The following AOPEP variants were observed in gnomAD, a reference collection of about 807,000 sequenced individuals.
The protein encoded by AOPEP is aminopeptidase O (putative).
A neutral mutation model predicts 98.1 loss-of-function variants in AOPEP; 77 were observed. That is an observed-to-expected ratio of 0.78 (90% confidence interval 0.65 to 0.95). The LOEUF (loss-of-function observed/expected upper bound fraction) is 0.95. AOPEP is among the 40% of genes least tolerant of loss of function. AOPEP has a pLI of 0.00. For missense variants in AOPEP, 1,024 were observed against 1,024.7 expected, an observed-to-expected ratio of 1.00 and a Z score of 0.01; for synonymous variants, 346 against 365.3, an observed-to-expected ratio of 0.95 and a Z score of 0.60.
At chr9:94,996,391 T>TGTGAGA (rs375605056) in intron 11 of AOPEP, among the ~76,000 whole-genome samples, 15 of 144,656 alleles carry the variant, frequency 1.0e-4, no homozygotes, top group South Asian at 9.3e-4. Flanking sequence ...TGTGTGTGTG[T>TGTGAGA]GAGAGAGAGA....
At chr9:95,144,796 C>T in the AOPEP span, among the ~76,000 whole-genome samples, 7 of 152,136 alleles carry the variant, frequency 4.6e-5, 1 homozygote, top group East Asian at 3.8e-4. Context: ...GTGGTGGGGC[C>T]GTGAAGCGTG....
chr9:94,781,600 G>A (rs1031991259), intron 3 of AOPEP, among the ~76,000 whole-genome samples: 2 of 146,664 alleles, frequency 1.4e-5, no homozygotes, highest in Non-Finnish European at 3.0e-5. Context: ...TCATTCTGTC[G>A]CCCAGGCTGG....
intron 13 of AOPEP, among the ~76,000 whole-genome samples, chr9:95,057,227 C>T (rs2066902848): frequency 6.6e-6 from 1 of 152,196 alleles, no homozygotes; most frequent in South Asian, 2.1e-4. Flanking sequence ...ATCTCTCTCC[C>T]GCCAGTGCTG....
intron 13 of AOPEP, among the ~76,000 whole-genome samples, chr9:95,014,383 T>C (rs1230179194): frequency 6.6e-6 from 1 of 151,484 alleles, no homozygotes; most frequent in Non-Finnish European, 1.5e-5. Flanking sequence ...TGAGGTGGAG[T>C]GTCCCTTGAG....
Position 95,069,293 on chromosome 9 carries a change from G to A in AOPEP, c.2232+8483G>A, listed in dbSNP as rs148259198. On this transcript the variant is annotated intron_variant, in intron 14 of 16. Transcript: ENST00000375315. ...TTCACCTCCAGGGAAAGTGAGGGAA[G>A]GGGACGAGTGTCTGCAGGGCTTATT... Among the ~76,000 whole-genome samples, 215 of 152,336 alleles carry A rather than the reference G, an allele frequency of 1.4e-3. 1 individual carries two copies. Among genetic ancestry groups the A allele is most frequent in the Non-Finnish European group, 2.5e-3 (173 of 68,036 alleles).
intron 9 of AOPEP, among the ~76,000 whole-genome samples, chr9:94,966,175 G>C (rs1029734907): frequency 6.6e-6 from 1 of 150,902 alleles, no homozygotes; most frequent in East Asian, 2.0e-4. Flanking sequence ...TCAGAGTCTT[G>C]TGCAGAGTCT....
intron 13 of AOPEP, among the ~76,000 whole-genome samples, chr9:95,042,110 A>G (rs567146536): frequency 6.6e-6 from 1 of 152,274 alleles, no homozygotes; most frequent in Non-Finnish European, 1.5e-5. Flanking sequence ...CAGGAGATCA[A>G]GACCATCCTG....
At chr9:95,100,843 C>T in the AOPEP span, 1 of 229,640 alleles carries the variant, frequency 4.4e-6, no homozygotes, top group Non-Finnish European at 8.6e-6. Context: ...GTTAGCCAGG[C>T]AGTCTGGAAC....
intron 5 of AOPEP, among the ~76,000 whole-genome samples, chr9:94,848,451 CAAAAA>C (rs35685082): frequency 1.3e-5 from 1 of 75,804 alleles, no homozygotes; most frequent in African/African-American, 6.1e-5. Flanking sequence ...GACTCCGTCT[CAAAAA>C]AAAAAAAAAA....
At chr9:94,822,993 C>CT (rs11315524) in intron 5 of AOPEP, among the ~76,000 whole-genome samples, 8 of 146,434 alleles carry the variant, frequency 5.5e-5, no homozygotes, top group Admixed American at 2.0e-4. Flanking sequence ...GTCCCCTAAT[C>CT]TTTTTTTTTT....
At chr9:95,074,999 A>C (rs577077302) in intron 14 of AOPEP, among the ~76,000 whole-genome samples, 2 of 152,328 alleles carry the variant, frequency 1.3e-5, no homozygotes, top group East Asian at 3.9e-4. Context: ...TGCCACGGGC[A>C]GCTCTGTTCT....
At chr9:94,790,180 G>C (rs989831153) in intron 3 of AOPEP, among the ~76,000 whole-genome samples, 5 of 148,880 alleles carry the variant, frequency 3.4e-5, no homozygotes, top group African/African-American at 1.0e-4. Flanking sequence ...CGGCCAACTT[G>C]TTCTTTTTGT....
chr9:94,886,639 G>A (rs1182554069), intron 5 of AOPEP, among the ~76,000 whole-genome samples: 1 of 152,130 alleles, frequency 6.6e-6, no homozygotes, highest in East Asian at 1.9e-4. Flanking sequence ...TAGAAAAAGT[G>A]TTTAGACTGA....
At chr9:94,929,763 C>T (rs904647706) in intron 7 of AOPEP, among the ~76,000 whole-genome samples, 3 of 152,212 alleles carry the variant, frequency 2.0e-5, no homozygotes, top group Non-Finnish European at 2.9e-5. Context: ...CTACAGGTAC[C>T]GGCCGGTCAC....
intron 13 of AOPEP, among the ~76,000 whole-genome samples, chr9:95,038,913 G>C (rs759238821): frequency 6.6e-6 from 1 of 152,108 alleles, no homozygotes; most frequent in African/African-American, 2.4e-5. Flanking sequence ...TGGGACTTAC[G>C]GATAACCTCG....
At chr9:94,779,140 G>A (rs1045922245) in intron 3 of AOPEP, among the ~76,000 whole-genome samples, 2 of 152,178 alleles carry the variant, frequency 1.3e-5, no homozygotes, top group African/African-American at 4.8e-5. Flanking sequence ...CTGGGCTCTA[G>A]TGTCTTGCTG....
the AOPEP span, chr9:95,107,420 G>C: frequency 1.3e-6 from 1 of 786,910 alleles, no homozygotes; most frequent in African/African-American, 1.7e-5. Flanking sequence ...ATTTACACTC[G>C]ATTTCACACA....
chr9:94,793,032 C>T (rs947785335), intron 4 of AOPEP, 114 bp downstream of exon 4: 80 of 1,184,330 alleles, frequency 6.8e-5, no homozygotes, highest in Non-Finnish European at 9.5e-5. Context: ...AGAAACTAAA[C>T]CAAAATAGGA....
At position 94,830,516 on chromosome 9, in the gene AOPEP, C is replaced by G. The variant is rs1855720613; in HGVS notation, c.1364+29514C>G. Among the ~76,000 whole-genome samples, 3 of 152,244 alleles carry G rather than the reference C, an allele frequency of 2.0e-5. No individual in the cohort carries two copies. The South Asian group carries it at 6.2e-4, about 32-fold the overall frequency. ...GCAATGAACATACACATGCATGTAT[C>G]TTTATAATAAAATGATTTATATTCC... On this transcript the variant is annotated intron_variant, in intron 5 of 16. Transcript: ENST00000375315.
Sources: gnomAD v4.1 joint callset for allele counts (sites outside exome capture counted in the v4.1 genomes callset) on GRCh38, gnomAD v4.1.1 for gene constraint, MANE v1.5 for transcripts, NCBI Gene and HGNC (gene_info 2026-07-23, HGNC 2026-07-21) for gene names.